ATXN1: variants seen among roughly 807,000 people sequenced by gnomAD.
ATXN1 encodes the protein ataxin-1.
ATXN1 carries 8 observed loss-of-function variants against 56.4 expected under a neutral mutation model. That is an observed-to-expected ratio of 0.14 (90% CI 0.08 to 0.26). The LOEUF (loss-of-function observed/expected upper bound fraction) is 0.26. ATXN1 is among the 10% of genes least tolerant of loss of function. The pLI, the probability that ATXN1 is intolerant of heterozygous loss-of-function variation, is 1.00. For missense variants in ATXN1, 987 were observed against 1,106.5 expected (o/e 0.89, Z 1.53); for synonymous variants, 514 against 494.6 (o/e 1.04, Z -0.52).
At chr6:16,731,951 ATAGTAATAGCTGTCACAGAAAAGTACT>A (rs1759998072) in intron 2 of ATXN1, among the ~76,000 whole-genome samples, 3 of 152,132 alleles carry the variant, frequency 2.0e-5, no homozygotes, top group Admixed American at 1.3e-4. Flanking sequence ...GCCAATTCCT[ATAGTAATAGCTGTCACAGAAAAGTACT>A]TTAGAGTACT....
intron 6 of ATXN1, among the ~76,000 whole-genome samples, chr6:16,340,625 CT>C (rs1561858680): frequency 6.6e-6 from 1 of 152,240 alleles, no homozygotes; most frequent in Non-Finnish European, 1.5e-5. Flanking sequence ...GGGAAACCCC[CT>C]GAACTTGCAA....
At chr6:16,636,565 T>G (rs564237924) in intron 3 of ATXN1, among the ~76,000 whole-genome samples, 2 of 152,216 alleles carry the variant, frequency 1.3e-5, no homozygotes, top group Non-Finnish European at 2.9e-5. Context: ...CCATGACAAC[T>G]GTCATTCGCC....
At chr6:16,672,413 G>GT (rs1758557813) in intron 2 of ATXN1, among the ~76,000 whole-genome samples, 1 of 152,168 alleles carries the variant, frequency 6.6e-6, no homozygotes. Context: ...TGTGGCTCTA[G>GT]TAAATGCCTT....
chr6:16,675,392 C>T (rs1361542087), intron 2 of ATXN1, among the ~76,000 whole-genome samples: 2 of 152,128 alleles, frequency 1.3e-5, no homozygotes, highest in African/African-American at 4.8e-5. Context: ...GAGCCAAGGT[C>T]CTGAATCACA....
At chr6:16,442,860 AAAT>A (rs1385243097) in intron 6 of ATXN1, among the ~76,000 whole-genome samples, 3 of 152,070 alleles carry the variant, frequency 2.0e-5, no homozygotes, top group Non-Finnish European at 4.4e-5. Flanking sequence ...AAAAATCCAA[AAAT>A]TACCTGGTCG....
chr6:16,565,173 A>G (rs1474340735), intron 4 of ATXN1, among the ~76,000 whole-genome samples: 3 of 152,208 alleles, frequency 2.0e-5, no homozygotes, highest in Admixed American at 2.0e-4. Flanking sequence ...TTTAAAGTGG[A>G]CAGGTCTTTC....
intron 5 of ATXN1, among the ~76,000 whole-genome samples, chr6:16,490,751 G>A (rs1195395627): frequency 6.6e-6 from 1 of 152,140 alleles, no homozygotes; most frequent in Admixed American, 6.5e-5. Flanking sequence ...TTCACACATT[G>A]GCCTGGAAGA....
At chr6:16,345,160 C>T (rs1239802760) in intron 6 of ATXN1, among the ~76,000 whole-genome samples, 2 of 152,122 alleles carry the variant, frequency 1.3e-5, no homozygotes, top group Non-Finnish European at 2.9e-5. Flanking sequence ...GAACTCATTA[C>T]GGAGGGACAT....
intron 6 of ATXN1, among the ~76,000 whole-genome samples, chr6:16,441,221 A>G (rs1272684183): frequency 6.6e-6 from 1 of 152,188 alleles, no homozygotes; most frequent in African/African-American, 2.4e-5. Context: ...AACTTTTGAG[A>G]GCAGAATCTA....
rs771515999 is a variant in ATXN1 at position 16,328,239 on chromosome 6, C to A, written c.72G>T (p.Arg24=). The change falls in exon 7 of 8, where the codon CGG becomes CGT. Residue 24 remains arginine (R), a synonymous_variant. Coordinates refer to ENST00000436367, the MANE Select transcript of ATXN1 (RefSeq NM_001128164.2). This position sits in a 1 kb window ranked among gnomAD's most constrained non-coding sequence, Gnocchi z 6.2. ...GGGTAGGGGCCTTCTCCTCGGAGGA[C>A]CGGCTGGTGGCGGGGATCTCGCGCT... ...PKKREIPATS[R]SSEEKAPTLP... 24 of 1,561,196 alleles carry A rather than the reference C, an allele frequency of 1.5e-5. No individual in the cohort carries two copies. In the Admixed American group the frequency reaches 2.1e-4, roughly 14 times the overall value.
intron 4 of ATXN1, among the ~76,000 whole-genome samples, chr6:16,577,055 C>T (rs1315074518): frequency 2.6e-5 from 4 of 152,308 alleles, no homozygotes; most frequent in Non-Finnish European, 5.9e-5. Flanking sequence ...GTCTCCGTTT[C>T]AGTCTTCATC....
chr6:16,565,141 C>T (rs1581847997), intron 4 of ATXN1, among the ~76,000 whole-genome samples: 1 of 152,194 alleles, frequency 6.6e-6, no homozygotes, highest in African/African-American at 2.4e-5. Context: ...TCAATCTCTG[C>T]TTTATCTTCA....
chr6:16,419,011 G>A (rs1486173630), intron 6 of ATXN1, among the ~76,000 whole-genome samples: 2 of 152,054 alleles, frequency 1.3e-5, no homozygotes, highest in African/African-American at 4.8e-5. Context: ...CTAGCTGTGT[G>A]ACTTTGTACA....
chr6:16,624,769 G>A (rs1367850897), intron 3 of ATXN1, among the ~76,000 whole-genome samples: 1 of 152,122 alleles, frequency 6.6e-6, no homozygotes, highest in Admixed American at 6.6e-5. Flanking sequence ...CAAAAACAAG[G>A]GCTTAAATTT....
intron 7 of ATXN1, among the ~76,000 whole-genome samples, chr6:16,319,672 G>A (rs1269639234): frequency 1.3e-5 from 2 of 152,128 alleles, no homozygotes; most frequent in Admixed American, 6.5e-5. Context: ...TTAATAACAG[G>A]GAAAACTGTT....
chr6:16,367,488 G>C (rs2113485161), intron 6 of ATXN1, among the ~76,000 whole-genome samples: 1 of 152,196 alleles, frequency 6.6e-6, no homozygotes, highest in Admixed American at 6.5e-5. Flanking sequence ...CACAGTTGAA[G>C]TTGTCTGATT....
chr6:16,587,061 G>C (rs558360153), intron 3 of ATXN1, among the ~76,000 whole-genome samples: 1 of 150,810 alleles, frequency 6.6e-6, no homozygotes, highest in East Asian at 1.9e-4. Context: ...ATTTTTCCCA[G>C]AGGGTTATGT....
At chr6:16,588,612 C>T (rs1762669648) in intron 3 of ATXN1, among the ~76,000 whole-genome samples, 1 of 152,170 alleles carries the variant, frequency 6.6e-6, no homozygotes, top group South Asian at 2.1e-4. Context: ...GTAACTTTTA[C>T]ATTTTTTGGT....
At chr6:16,758,922 A>G (rs1284476453) in intron 1 of ATXN1, among the ~76,000 whole-genome samples, 4 of 152,198 alleles carry the variant, frequency 2.6e-5, no homozygotes, top group Non-Finnish European at 5.9e-5. Context: ...ATCCCTTTCC[A>G]AGAGTTCCTG....
Sources: allele counts gnomAD v4.1 joint callset (sites outside exome capture counted in the v4.1 genomes callset), GRCh38; gene constraint gnomAD v4.1.1; non-coding constraint Gnocchi (gnomAD v3.1); transcripts MANE v1.5; gene names NCBI Gene and HGNC (gene_info 2026-07-23, HGNC 2026-07-21).